GFRA2: variants seen among roughly 807,000 people sequenced by gnomAD.
GFRA2 encodes the protein GDNF family receptor alpha-2.
A neutral mutation model predicts 48.3 loss-of-function variants in GFRA2; 17 were observed. That is an observed-to-expected ratio of 0.35 (90% CI 0.24 to 0.53). The LOEUF (loss-of-function observed/expected upper bound fraction) is 0.53. Among genes scored for constraint, GFRA2 ranks in the 20% least tolerant of loss-of-function variants. GFRA2 has a pLI of 0.93. For synonymous variants in GFRA2, 305 were observed against 257.2 expected (o/e 1.19, Z -1.78); for missense variants, 660 against 637.3 (o/e 1.04, Z -0.38).
chr8:21,749,998 G>T (rs1428463175), intron 4 of GFRA2, among the ~76,000 whole-genome samples: 1 of 151,942 alleles, frequency 6.6e-6, no homozygotes, highest in Admixed American at 6.6e-5. Context: ...AGGTAGTTTT[G>T]GGGGGTATGC....
intron 3 of GFRA2, among the ~76,000 whole-genome samples, chr8:21,757,062 CCTAGGGGACACTCTGGCTTCTTCAT>C (rs1156453509): frequency 2.0e-5 from 3 of 152,204 alleles, no homozygotes; most frequent in Non-Finnish European, 4.4e-5. Flanking sequence ...AGCTCCTGGC[CCTAGGGGACACTCTGGCTTCTTCAT>C]CTCCTCCCCT....
At chr8:21,731,638 A>G (rs1341552450) in intron 4 of GFRA2, among the ~76,000 whole-genome samples, 1 of 152,132 alleles carries the variant, frequency 6.6e-6, no homozygotes, top group African/African-American at 2.4e-5. Context: ...GTGCGCCCCC[A>G]TTAAAGTCTA....
chr8:21,788,037 CAGCCCCCCACCGGCGCTCCGCT>C, intron 1 of GFRA2, 61 bp downstream of exon 1: 1 of 567,352 alleles, frequency 1.8e-6, no homozygotes, highest in Non-Finnish European at 2.8e-6. Flanking sequence ...GACCTCCCGC[CAGCCCCCCACCGGCGCTCCGCT>C]CGCCCCCCGC....
intron 1 of GFRA2, among the ~76,000 whole-genome samples, chr8:21,783,599 C>G (rs1246811133): frequency 2.6e-5 from 4 of 152,004 alleles, no homozygotes; most frequent in African/African-American, 7.3e-5. Context: ...ACCGTCCAGG[C>G]GAGCCCAGGA....
intron 4 of GFRA2, among the ~76,000 whole-genome samples, chr8:21,727,360 C>T (rs970634215): frequency 1.3e-5 from 2 of 152,100 alleles, no homozygotes; most frequent in Admixed American, 6.5e-5. Flanking sequence ...AGGGGCTCCT[C>T]TGTGTAAGAA....
At chr8:21,797,803 A>G (rs1807704656) in intron 2 of GFRA2, 1 of 152,102 alleles carries the variant, frequency 6.6e-6, no homozygotes, top group South Asian at 2.1e-4. Flanking sequence ...GCCTTTCCAT[A>G]ACTCCCATGT....
chr8:21,710,553 C>T (rs1480115290), intron 4 of GFRA2, among the ~76,000 whole-genome samples: 3 of 152,170 alleles, frequency 2.0e-5, no homozygotes, highest in Non-Finnish European at 2.9e-5. Flanking sequence ...CTTCTCCATG[C>T]CATGCTGGGG....
intron 3 of GFRA2, among the ~76,000 whole-genome samples, chr8:21,773,982 G>A (rs1214300891): frequency 2.0e-5 from 3 of 152,190 alleles, no homozygotes; most frequent in Non-Finnish European, 2.9e-5. Flanking sequence ...TGTCAATAGT[G>A]CTGCTGTTGA....
intron 4 of GFRA2, among the ~76,000 whole-genome samples, chr8:21,733,529 C>T (rs78109220): frequency 2.0e-5 from 3 of 152,146 alleles, no homozygotes; most frequent in East Asian, 1.9e-4. Flanking sequence ...AGAGAGAGGG[C>T]GAAGGGAGAG....
intron 3 of GFRA2, among the ~76,000 whole-genome samples, chr8:21,763,704 C>A (rs1806017466): frequency 6.6e-6 from 1 of 151,942 alleles, no homozygotes; most frequent in Non-Finnish European, 1.5e-5. Context: ...CCCACTCCAG[C>A]AAACCCTCAA....
chr8:21,724,926 G>A (rs1390074267), intron 4 of GFRA2, among the ~76,000 whole-genome samples: 1 of 152,170 alleles, frequency 6.6e-6, no homozygotes, highest in Non-Finnish European at 1.5e-5. Context: ...GCAGCAATGG[G>A]GACCCGTCCT....
Position 21,710,463 on chromosome 8 carries a change from A to G in GFRA2, c.795-4422T>C, listed in dbSNP as rs574117686. Among the ~76,000 whole-genome samples the G allele has an allele frequency of 2.0e-5, 3 of 152,312 alleles. No homozygotes were observed. The South Asian group carries it at 6.2e-4, about 32-fold the overall frequency. ...CCACACAGGGCAAGTGAGCGCATCA[A>G]GGAGACGGGGCTCCCTCTCGCTCTC... On this transcript the variant is annotated intron_variant, in intron 4 of 8. Transcript: ENST00000524240.
Position 21,777,054 on chromosome 8 carries a change from ACT to A in GFRA2, c.356-2001_356-2000del, listed in dbSNP as rs1188509546. Among the ~76,000 whole-genome samples, 4 of 152,118 alleles carry A rather than the reference ACT, an allele frequency of 2.6e-5. 1 individual carries two copies. Among genetic ancestry groups the A allele is most frequent in the African/African-American group, 9.6e-5 (4 of 41,488 alleles). ...TATAGCTCATTTCATCCTCTTAACT[ACT>A]CTATGAGATAGGCACTATTTTTCTC... On this transcript the variant is annotated intron_variant, in intron 2 of 8. Coordinates refer to ENST00000524240, the MANE Select transcript of GFRA2 (RefSeq NM_001495.5).
chr8:21,724,163 C>T (rs1803740827), intron 4 of GFRA2, among the ~76,000 whole-genome samples: 1 of 152,122 alleles, frequency 6.6e-6, no homozygotes, highest in African/African-American at 2.4e-5. Flanking sequence ...CCTCCACTTC[C>T]TGCACAGATA....
intron 4 of GFRA2, among the ~76,000 whole-genome samples, chr8:21,733,248 C>T (rs1362858007): frequency 1.3e-5 from 2 of 152,140 alleles, no homozygotes; most frequent in Non-Finnish European, 2.9e-5. Context: ...TCCACGCAGA[C>T]CCACCCTGCA....
At chr8:21,705,173 T>A in intron 5 of GFRA2, 48 bp from the exon 6 acceptor site, 5 of 1,562,810 alleles carry the variant, frequency 3.2e-6, no homozygotes, top group Non-Finnish European at 4.3e-6. Flanking sequence ...CGGTGGGGCC[T>A]TCCCCTTGGG....
intron 4 of GFRA2, among the ~76,000 whole-genome samples, chr8:21,744,421 G>C (rs1184114903): frequency 6.6e-6 from 1 of 152,130 alleles, no homozygotes; most frequent in East Asian, 1.9e-4. Flanking sequence ...CCAGCAAGGA[G>C]TTATTTATGT....
chr8:21,776,254 C>A (rs1232657212), intron 2 of GFRA2, among the ~76,000 whole-genome samples: 1 of 152,110 alleles, frequency 6.6e-6, no homozygotes, highest in Non-Finnish European at 1.5e-5. Context: ...TAGCCCCCTG[C>A]AGGCTCACCG....
chr8:21,767,444 C>T (rs1035225181), intron 3 of GFRA2, among the ~76,000 whole-genome samples: 15 of 152,220 alleles, frequency 9.9e-5, no homozygotes, highest in African/African-American at 2.7e-4. Flanking sequence ...TCACCGTGCA[C>T]GGGGGTTACA....
Sources: gnomAD v4.1 joint callset for allele counts (sites outside exome capture counted in the v4.1 genomes callset) on GRCh38, gnomAD v4.1.1 for gene constraint, MANE v1.5 for transcripts, NCBI Gene and HGNC (gene_info 2026-07-23, HGNC 2026-07-21) for gene names.